The following RAB11B variants were observed in gnomAD, a reference collection of about 807,000 sequenced individuals.
RAB11B encodes the protein ras-related protein Rab-11B.
In RAB11B, 7 loss-of-function variants were observed where a neutral mutation model predicts 23.7. That is an observed-to-expected ratio of 0.29 (90% CI 0.17 to 0.55). The LOEUF (loss-of-function observed/expected upper bound fraction) is 0.55, where lower values mean the gene tolerates loss of function less well. Ranked by LOEUF, RAB11B falls within the 20% of genes least tolerant of loss-of-function variation. The pLI, the probability that RAB11B is intolerant of heterozygous loss-of-function variation, is 0.93. For synonymous variants in RAB11B, 138 were observed against 132.0 expected, an observed-to-expected ratio of 1.05 and a Z score of -0.31; for missense variants, 189 against 320.0, an observed-to-expected ratio of 0.59 and a Z score of 3.12.
At chr19:8,399,398 T>G (rs1444748706) in intron 1 of RAB11B, among the ~76,000 whole-genome samples, 14 of 152,210 alleles carry the variant, frequency 9.2e-5, no homozygotes. Context: ...ATGCCTGCTC[T>G]TACTTCCTCC....
At chr19:8,402,411 G>C in intron 3 of RAB11B, 74 bp from the exon 4 acceptor site, 1 of 1,565,884 alleles carries the variant, frequency 6.4e-7, no homozygotes, top group Non-Finnish European at 8.8e-7. Context: ...AGGTGGGTGG[G>C]CGGGGTCCCT....
chr19:8,397,949 G>A (rs1341438767), intron 1 of RAB11B, among the ~76,000 whole-genome samples: 1 of 152,148 alleles, frequency 6.6e-6, no homozygotes, highest in Non-Finnish European at 1.5e-5. Flanking sequence ...CTCAGGTGCC[G>A]GGGCCCAAGG....
rs369318239 is a variant in RAB11B at position 8,402,269 on chromosome 19, C to T, written c.420C>T (p.Arg140=). 7.3e-5 allele frequency: 113 copies of T among 1,555,860 alleles called. No individual in the cohort carries two copies. The highest frequency in any genetic ancestry group is 9.1e-5 in the Non-Finnish European group (105 of 1,150,328). Residue 140 remains arginine (R), a synonymous_variant, in exon 3 of 5, where the codon CGC becomes CGT. Coordinates refer to ENST00000328024, the MANE Select transcript of RAB11B (RefSeq NM_004218.4). The stretch of plus-strand genomic sequence containing the variant: ...GGGCTGTGCCCACTGACGAGGCCCG[C>T]GCCTTCGCAGGTGAGCAGACGGAGA... The part of the protein sequence containing the change: ...HLRAVPTDEA[R]AFAEKNNLSF...
intron 1 of RAB11B, among the ~76,000 whole-genome samples, chr19:8,397,777 G>A (rs1238955956): frequency 6.6e-6 from 1 of 152,028 alleles, no homozygotes; most frequent in South Asian, 2.1e-4. Flanking sequence ...TGGGGCCAGC[G>A]GACCTCTGGG....
intron 1 of RAB11B, among the ~76,000 whole-genome samples, chr19:8,391,429 G>A (rs554491298): frequency 1.3e-3 from 203 of 152,346 alleles, no homozygotes; most frequent in Non-Finnish European, 1.3e-3. Context: ...GGTCTTCCCC[G>A]CCCGAGGGAC....
intron 1 of RAB11B, among the ~76,000 whole-genome samples, chr19:8,395,891 G>A (rs1168396873): frequency 2.0e-5 from 3 of 152,218 alleles, no homozygotes; most frequent in South Asian, 4.1e-4. Flanking sequence ...AACTTGGACT[G>A]TGGATGCAGA....
intron 2 of RAB11B, among the ~76,000 whole-genome samples, 194 bp from the exon 3 acceptor site, chr19:8,401,892 C>T (rs1475767665): frequency 2.6e-5 from 4 of 152,242 alleles, no homozygotes; most frequent in Non-Finnish European, 5.9e-5. Flanking sequence ...CCTCAGACCC[C>T]CACATTTCAG....
At chr19:8,402,985 A>C (rs888432193) in intron 4 of RAB11B, 1 of 343,004 alleles carries the variant, frequency 2.9e-6, no homozygotes, top group Non-Finnish European at 5.3e-6. Context: ...TTCCACCACC[A>C]CCCCTAACCT....
chr19:8,401,325 C>T (rs1410955581), intron 2 of RAB11B, among the ~76,000 whole-genome samples: 1 of 151,494 alleles, frequency 6.6e-6, no homozygotes, highest in Non-Finnish European at 1.5e-5. Flanking sequence ...CATGATCTGC[C>T]CGCCTCGGCC....
rs747098020 is a variant in RAB11B, at chr19:8,390,492, G to T, written c.40+36G>T. 8.8e-6 allele frequency: 13 copies of T among 1,475,874 alleles called. No homozygotes were observed. In the South Asian group the frequency reaches 1.8e-4, roughly 20 times the overall value. 91.4% of individuals were successfully genotyped at this position (1,475,874 alleles called of 1,614,324 possible). A position where few individuals can be genotyped will look rare whatever the true frequency, so the allele number is the denominator to read the frequency against. On this transcript the variant is annotated intron_variant, in intron 1 of 4. Coordinates refer to ENST00000328024, the MANE Select transcript of RAB11B (RefSeq NM_004218.4). ...TGGGGCACAGACGGGCGAAGTCGTG[G>T]CGGCGAGGCGGCGGGCAGACGGGCC...
rs528536932 is a variant in RAB11B at position 8,401,702 on chromosome 19, A to T, written c.237-384A>T. Among the ~76,000 whole-genome samples, 32 of 150,790 alleles carry T rather than the reference A, an allele frequency of 2.1e-4. 1 individual carries two copies. In the South Asian group the frequency reaches 5.4e-3, roughly 26 times the overall value. On this transcript the variant is annotated intron_variant, in intron 2 of 4. Transcript: ENST00000328024. ...CCCCGGCCAATTTTTGTGTTTTTCTAGTAGAGATGGGGTATCGCCATGTTG... is the reference window on the plus strand; with the variant it reads ...CCCCGGCCAATTTTTGTGTTTTTCTTGTAGAGATGGGGTATCGCCATGTTG...
At chr19:8,397,556 T>G (rs1281614254) in intron 1 of RAB11B, among the ~76,000 whole-genome samples, 1 of 151,726 alleles carries the variant, frequency 6.6e-6, no homozygotes, top group Non-Finnish European at 1.5e-5. Flanking sequence ...TTGGTTTGAG[T>G]TCTAGGACTG....
Position 8,396,485 on chromosome 19 carries a change from G to C in RAB11B, c.41-3378G>C, listed in dbSNP as rs1465546777. ...GAGGAAGAACTGGGTCCGGGAGCAG[G>C]GTAATTCGGAGAGTAGAGTTTTAGT... is the stretch of plus-strand genomic sequence containing the variant. On this transcript the variant is annotated intron_variant, in intron 1 of 4. Transcript: ENST00000328024. This position sits in a 1 kb window ranked among gnomAD's most constrained non-coding sequence, Gnocchi z 5.0. 6.6e-6 allele frequency among the ~76,000 whole-genome samples: 1 copy of C among 152,128 alleles called. No homozygotes were observed. Among genetic ancestry groups the C allele is most frequent in the African/African-American group, 2.4e-5 (1 of 41,416 alleles).
intron 1 of RAB11B, among the ~76,000 whole-genome samples, chr19:8,397,631 G>T (rs1364236407): frequency 6.6e-6 from 1 of 152,114 alleles, no homozygotes; most frequent in Non-Finnish European, 1.5e-5. Context: ...AGGAAGTTGG[G>T]TCAGGAGAGA....
At chr19:8,403,288 C>A in intron 4 of RAB11B, 125 bp from the exon 5 acceptor site, 2 of 1,262,682 alleles carry the variant, frequency 1.6e-6, no homozygotes, top group Non-Finnish European at 2.2e-6. Flanking sequence ...TCCTTGTTAC[C>A]CCTGATGTGA....
intron 1 of RAB11B, among the ~76,000 whole-genome samples, chr19:8,397,766 G>A (rs1024678248): frequency 1.3e-5 from 2 of 152,080 alleles, no homozygotes; most frequent in East Asian, 3.9e-4. Context: ...GGGGTCCCGA[G>A]TGGGGCCAGC....
chr19:8,395,717 G>C (rs567547970), intron 1 of RAB11B, among the ~76,000 whole-genome samples: 2 of 152,334 alleles, frequency 1.3e-5, no homozygotes, highest in South Asian at 4.1e-4. Flanking sequence ...TGAAGGATGA[G>C]TAGGAGTTTG....
intron 1 of RAB11B, among the ~76,000 whole-genome samples, chr19:8,393,909 C>T (rs1043954263): frequency 5.9e-5 from 9 of 152,322 alleles, no homozygotes; most frequent in Non-Finnish European, 1.3e-4. Context: ...TTTTGCCAAC[C>T]GGGCTTGCCT....
chr19:8,399,954 C>T lies in RAB11B; in HGVS notation c.132C>T (p.Ile44=), dbSNP rs183832730. 2.8e-5 allele frequency: 46 copies of T among 1,614,218 alleles called. No individual in the cohort carries two copies. In the East Asian group the frequency reaches 6.2e-4, roughly 22 times the overall value. The change falls in exon 2 of 5, where the codon ATC becomes ATT. Residue 44 remains isoleucine (I), a synonymous_variant. Transcript: ENST00000328024. The part of the protein sequence containing the change: ...NEFNLESKST[I]GVEFATRSIQ... ...TCAACCTGGAGAGCAAGAGCACCAT[C>T]GGCGTGGAGTTCGCCACCCGCAGCA...
Sources: gnomAD v4.1 joint callset for allele counts (sites outside exome capture counted in the v4.1 genomes callset) on GRCh38, gnomAD v4.1.1 for gene constraint, Gnocchi (gnomAD v3.1) non-coding constraint, MANE v1.5 for transcripts, NCBI Gene and HGNC (gene_info 2026-07-23, HGNC 2026-07-21) for gene names.